The following PPFIBP1 variants were observed in gnomAD, a reference collection of about 807,000 sequenced individuals.
PPFIBP1 encodes the protein liprin-beta-1.
PPFIBP1 carries 112 observed loss-of-function variants against 137.8 expected under a neutral mutation model. The observed-to-expected ratio is 0.81, with a 90% confidence interval of 0.70 to 0.95. The LOEUF (loss-of-function observed/expected upper bound fraction) is 0.95, where lower values mean the gene tolerates loss of function less well. Ranked by LOEUF, PPFIBP1 falls within the 40% of genes least tolerant of loss-of-function variation. The probability of loss-of-function intolerance (pLI) is 0.00; values close to 1 mark genes in which losing one functional copy is unlikely to be tolerated. For synonymous variants in PPFIBP1, 378 were observed against 417.3 expected, an observed-to-expected ratio of 0.91 and a Z score of 1.15; for missense variants, 1,083 against 1,196.6, an observed-to-expected ratio of 0.91 and a Z score of 1.40.
intron 1 of PPFIBP1, among the ~76,000 whole-genome samples, chr12:27,536,421 T>C (rs921170463): frequency 1.1e-4 from 17 of 152,204 alleles, no homozygotes; most frequent in African/African-American, 4.1e-4. Context: ...CCAGGAAGCT[T>C]CCGATCATGG....
intron 3 of PPFIBP1, among the ~76,000 whole-genome samples, chr12:27,634,090 C>T (rs73082283): frequency 0.22 from 33,327 of 150,648 alleles, 3,903 homozygotes; most frequent in East Asian, 0.29. Flanking sequence ...TCATGTCGGC[C>T]TCCCAAAGTG....
chr12:27,661,834 T>C (rs2059573986), intron 11 of PPFIBP1, among the ~76,000 whole-genome samples: 1 of 152,252 alleles, frequency 6.6e-6, no homozygotes, highest in Admixed American at 6.5e-5. Context: ...GCATTCTCTT[T>C]ATTTGCTCTT....
Position 27,688,390 on chromosome 12 carries a change from T to A in PPFIBP1, c.2463T>A (p.Asn821Lys). 1 of 1,614,162 alleles carries A rather than the reference T, an allele frequency of 6.2e-7. No homozygotes were observed. The highest frequency in any genetic ancestry group is 8.5e-7 in the Non-Finnish European group (1 of 1,180,016). ...RSVDLAEYAPNLRGSGVHGGL... is the reference protein window; with the variant it reads ...RSVDLAEYAPKLRGSGVHGGL... ...TGGACTTGGCAGAATATGCGCCCAA[T>A]CTCAGAGGCAGTGGTGTCCATGGTG... The change falls in exon 26 of 30, where the codon AAT becomes AAA. Residue 821 changes from asparagine to lysine, a missense_variant. By Grantham distance (94) the Asn-to-Lys change is moderately conservative. Coordinates refer to ENST00000228425, the MANE Select transcript of PPFIBP1 (RefSeq NM_003622.4).
chr12:27,614,136 T>G (rs12312152), intron 2 of PPFIBP1, among the ~76,000 whole-genome samples: 69,263 of 151,982 alleles, frequency 0.46, 15,953 homozygotes, highest in East Asian at 0.53. Context: ...CCAGCACTTT[T>G]GGAGGCTGAG....
chr12:27,530,858 G>A (rs57662555), intron 1 of PPFIBP1, among the ~76,000 whole-genome samples: 25,724 of 152,124 alleles, frequency 0.17, 2,400 homozygotes, highest in Middle Eastern at 0.26. Context: ...GCAGGCCATC[G>A]CGTGACCAAA....
At chr12:27,553,049 C>A (rs1295023706) in intron 1 of PPFIBP1, among the ~76,000 whole-genome samples, 1 of 151,994 alleles carries the variant, frequency 6.6e-6, no homozygotes, top group Non-Finnish European at 1.5e-5. Context: ...AGGAAGTGCA[C>A]GCAGAGGCCT....
chr12:27,654,853 G>A (rs1242418927), intron 8 of PPFIBP1, 39 bp downstream of exon 8: 5 of 1,593,584 alleles, frequency 3.1e-6, no homozygotes, highest in Admixed American at 1.7e-5. Context: ...CAAACAAATG[G>A]CATCACTATT....
At chr12:27,608,289 T>A (rs1420453782) in intron 2 of PPFIBP1, among the ~76,000 whole-genome samples, 3 of 152,226 alleles carry the variant, frequency 2.0e-5, no homozygotes, top group African/African-American at 7.2e-5. Flanking sequence ...GGGGGAGCCA[T>A]GACCAAAGAG....
At chr12:27,690,265 A>C (rs1258427140) in intron 27 of PPFIBP1, among the ~76,000 whole-genome samples, 3 of 151,930 alleles carry the variant, frequency 2.0e-5, no homozygotes, top group Admixed American at 2.0e-4. Context: ...GCTGGACTTG[A>C]GTATGTACGG....
At chr12:27,579,394 A>G (rs910437989) in intron 2 of PPFIBP1, among the ~76,000 whole-genome samples, 3 of 152,206 alleles carry the variant, frequency 2.0e-5, no homozygotes, top group African/African-American at 4.8e-5. Context: ...CACCTCTTCA[A>G]TCAGCACCTT....
At chr12:27,610,126 C>G (rs1188289354) in intron 2 of PPFIBP1, among the ~76,000 whole-genome samples, 1 of 152,150 alleles carries the variant, frequency 6.6e-6, no homozygotes, top group Non-Finnish European at 1.5e-5. Flanking sequence ...TGGTGACTTT[C>G]TCTGGAGATG....
intron 2 of PPFIBP1, among the ~76,000 whole-genome samples, chr12:27,622,795 A>T (rs1178099565): frequency 6.6e-6 from 1 of 152,206 alleles, no homozygotes; most frequent in Admixed American, 6.5e-5. Context: ...GTGTCTGAAT[A>T]ATCAAATCAA....
intron 1 of PPFIBP1, among the ~76,000 whole-genome samples, chr12:27,557,197 T>C (rs994517686): frequency 6.6e-6 from 1 of 151,884 alleles, no homozygotes; most frequent in African/African-American, 2.4e-5. Context: ...TGGCCTTTTT[T>C]GTATCAAGCT....
At chr12:27,540,522 C>T (rs1006831917) in intron 1 of PPFIBP1, among the ~76,000 whole-genome samples, 6 of 150,738 alleles carry the variant, frequency 4.0e-5, no homozygotes, top group Non-Finnish European at 7.4e-5. Context: ...TGGGCTATTG[C>T]ACCCAGCCTA....
At chr12:27,577,034 A>T (rs1178929995) in intron 1 of PPFIBP1, among the ~76,000 whole-genome samples, 1 of 152,148 alleles carries the variant, frequency 6.6e-6, no homozygotes, top group Non-Finnish European at 1.5e-5. Flanking sequence ...TGGTGTGTAT[A>T]TATGGGCCAT....
At chr12:27,599,478 G>A (rs1320438007) in intron 2 of PPFIBP1, 2 of 455,744 alleles carry the variant, frequency 4.4e-6, no homozygotes, top group African/African-American at 2.0e-5. Flanking sequence ...CTACATAAAT[G>A]CGTGAGCCAA....
At chr12:27,586,990 T>C (rs1198781760) in intron 2 of PPFIBP1, among the ~76,000 whole-genome samples, 4 of 152,246 alleles carry the variant, frequency 2.6e-5, no homozygotes, top group African/African-American at 9.6e-5. Context: ...GCAGAGGACC[T>C]ATCTCCGCAT....
chr12:27,675,542 G>T (rs1469778440), intron 17 of PPFIBP1, among the ~76,000 whole-genome samples: 1 of 152,104 alleles, frequency 6.6e-6, no homozygotes, highest in African/African-American at 2.4e-5. Context: ...AAAGAATAGA[G>T]AAATGAAAAC....
chr12:27,617,776 G>T (rs2055921738), intron 2 of PPFIBP1, among the ~76,000 whole-genome samples: 1 of 152,112 alleles, frequency 6.6e-6, no homozygotes, highest in Admixed American at 6.5e-5. Context: ...GATACAGAGG[G>T]CTGACTATAT....
Sources: gnomAD v4.1 joint callset for allele counts (sites outside exome capture counted in the v4.1 genomes callset) on GRCh38, gnomAD v4.1.1 for gene constraint, MANE v1.5 for transcripts, NCBI Gene and HGNC (gene_info 2026-07-23, HGNC 2026-07-21) for gene names.